MACF1: variants seen among roughly 807,000 people sequenced by gnomAD.
MACF1 encodes the protein microtubule-actin cross-linking factor 1.
In MACF1, 193 loss-of-function variants were observed where a neutral mutation model predicts 854.8. That is an observed-to-expected ratio of 0.23 (90% CI 0.20 to 0.25). The LOEUF (loss-of-function observed/expected upper bound fraction) is 0.25. Among genes scored for constraint, MACF1 ranks in the 10% least tolerant of loss-of-function variants. The pLI is 1.00. For synonymous variants in MACF1, 3,185 were observed against 3,226.7 expected (o/e 0.99, Z 0.44); for missense variants, 7,722 against 8,929.1 (o/e 0.86, Z 5.45).
At chr1:39,123,368 C>G (rs1371793151) in intron 2 of MACF1, among the ~76,000 whole-genome samples, 1 of 151,320 alleles carries the variant, frequency 6.6e-6, no homozygotes, top group East Asian at 1.9e-4. Context: ...CCATCACACC[C>G]GGCTAATTTT....
At chr1:39,205,428 T>C (rs1469003318) in intron 1 of MACF1, among the ~76,000 whole-genome samples, 1 of 152,190 alleles carries the variant, frequency 6.6e-6, no homozygotes, top group Non-Finnish European at 1.5e-5. Context: ...TGTGCTGACT[T>C]AGTCTTTCCT....
chr1:39,443,964 C>T (rs1348154267), intron 79 of MACF1, among the ~76,000 whole-genome samples: 6 of 152,174 alleles, frequency 3.9e-5, no homozygotes, highest in Non-Finnish European at 4.4e-5. Context: ...CAAAAAGCAA[C>T]ATAATTTCTA....
chr1:39,366,696 CTTT>C (rs10718160), intron 49 of MACF1, among the ~76,000 whole-genome samples: 4 of 133,738 alleles, frequency 3.0e-5, no homozygotes, highest in African/African-American at 2.8e-5. Flanking sequence ...TACAAATATA[CTTT>C]TTTTTTTTTT....
intron 2 of MACF1, among the ~76,000 whole-genome samples, chr1:39,246,771 A>G (rs1410382463): frequency 2.0e-5 from 3 of 152,040 alleles, no homozygotes; most frequent in African/African-American, 7.2e-5. Flanking sequence ...CAGGCTCCCA[A>G]AGTGCTGAGA....
intron 58 of MACF1, chr1:39,414,414 G>GCT: frequency 6.2e-7 from 1 of 1,613,964 alleles, no homozygotes; most frequent in Non-Finnish European, 8.5e-7. Flanking sequence ...TAAAAGAGGT[G>GCT]ACCAGCACAG....
chr1:39,198,685 C>T (rs1644353274), intron 2 of MACF1, among the ~76,000 whole-genome samples: 2 of 148,088 alleles, frequency 1.4e-5, no homozygotes, highest in East Asian at 2.0e-4. Context: ...ATTAGCTGGG[C>T]GTGGTGGCAC....
At chr1:39,117,188 A>AT (rs1437531341) in intron 2 of MACF1, among the ~76,000 whole-genome samples, 3 of 152,220 alleles carry the variant, frequency 2.0e-5, no homozygotes, top group African/African-American at 7.2e-5. Flanking sequence ...TCTGACCTTT[A>AT]TATCTAAAAA....
At chr1:39,112,685 A>G (rs1028047811) in intron 2 of MACF1, among the ~76,000 whole-genome samples, 14 of 152,194 alleles carry the variant, frequency 9.2e-5, no homozygotes, top group Non-Finnish European at 2.1e-4. Flanking sequence ...TATTGCAAAA[A>G]AAAGAAAAGG....
intron 51 of MACF1, among the ~76,000 whole-genome samples, 188 bp downstream of exon 51, chr1:39,370,374 C>T (rs2148536037): frequency 6.6e-6 from 1 of 152,314 alleles, no homozygotes; most frequent in Non-Finnish European, 1.5e-5. Context: ...AGCATACACT[C>T]TCTTTGTATG....
chr1:39,440,119 T>C lies in MACF1; in HGVS notation c.18447+619T>C, dbSNP rs574488844. Among the ~76,000 whole-genome samples the C allele has an allele frequency of 4.3e-4, 60 of 140,264 alleles. 1 individual carries two copies. The South Asian group carries it at 0.012, about 29-fold the overall frequency. 92.0% of individuals were successfully genotyped at this position (140,264 alleles called of 152,430 possible). On this transcript the variant is annotated intron_variant, in intron 72 of 100. Coordinates refer to ENST00000564288, the MANE Select transcript of MACF1 (RefSeq NM_001394062.1). ...TTCTTTTCTTTTCTTTTCTTTTTTT[T>C]TTTTTTTTTTGGAGACAGGGTCTCA...
Position 39,435,559 on chromosome 1 carries a change from A to G in MACF1, c.17786A>G (p.Gln5929Arg), listed in dbSNP as rs1347335757. The change falls in exon 70 of 101, where the codon CAA (glutamine) becomes CGA (arginine). Residue 5929 changes from glutamine to arginine, a missense_variant and splice_region_variant. Transcript: ENST00000564288. Reference protein sequence around the residue: ...QLRQQQEEMRQLRESIAEHKP... With the variant: ...QLRQQQEEMRRLRESIAEHKP... ...TGGTTTAATTCTTTTTTTACCTAGC[A>G]ATTAAGGGAATCTATTGCTGAACAC... 40 of 1,612,034 alleles carry G rather than the reference A, an allele frequency of 2.5e-5. No homozygotes were observed. Among genetic ancestry groups the G allele is most frequent in the Non-Finnish European group, 3.3e-5 (39 of 1,178,794 alleles).
At chr1:39,477,067 A>AG in intron 97 of MACF1, among the ~76,000 whole-genome samples, 1 of 15,464 alleles carries the variant, frequency 6.5e-5, no homozygotes, top group South Asian at 3.6e-3. Flanking sequence ...ATATATATAT[A>AG]TATATATATA....
At chr1:39,462,847 T>G (rs1204193403) in intron 93 of MACF1, among the ~76,000 whole-genome samples, 2 of 152,224 alleles carry the variant, frequency 1.3e-5, no homozygotes, top group African/African-American at 4.8e-5. Flanking sequence ...CTAGAAACCC[T>G]AACATCTGTT....
At chr1:39,375,668 G>A (rs531295772) in intron 52 of MACF1, among the ~76,000 whole-genome samples, 4 of 152,296 alleles carry the variant, frequency 2.6e-5, no homozygotes, top group African/African-American at 7.2e-5. Context: ...CACAGATTAA[G>A]TAACTGCAAA....
chr1:39,422,127 A>G (rs1348056720), intron 58 of MACF1, among the ~76,000 whole-genome samples: 1 of 152,162 alleles, frequency 6.6e-6, no homozygotes, highest in African/African-American at 2.4e-5. Flanking sequence ...AGAACAAAGG[A>G]AAGAGTCATT....
chr1:39,187,990 C>CCCCTCCCCTT (rs1557506469), intron 2 of MACF1, among the ~76,000 whole-genome samples: 2 of 142,234 alleles, frequency 1.4e-5, no homozygotes, highest in Admixed American at 1.4e-4. Flanking sequence ...CCCCTCCCCT[C>CCCCTCCCCTT]CCCTCCCCTT....
intron 2 of MACF1, among the ~76,000 whole-genome samples, chr1:39,168,500 T>C (rs1027508137): frequency 6.6e-6 from 1 of 152,146 alleles, no homozygotes; most frequent in East Asian, 1.9e-4. Context: ...TTTTTGTGTG[T>C]GTGCGTGTGT....
intron 2 of MACF1, among the ~76,000 whole-genome samples, chr1:39,235,133 A>T (rs1309638712): frequency 1.3e-5 from 2 of 152,150 alleles, no homozygotes; most frequent in Non-Finnish European, 2.9e-5. Context: ...CAATCTCGGC[A>T]CTTTGGGAGG....
At position 39,387,505 on chromosome 1, in the gene MACF1, G is replaced by T. The variant is rs1376455316; in HGVS notation, c.14663G>T (p.Ser4888Ile). The part of the protein sequence containing the change: ...VELKNHWEEL[S>I]KKTADRQSRL... ...CTCAAAAACCATTGGGAAGAGCTTA[G>T]TAAAAAAACTGCAGACAGACAATCC... Residue 4888 changes from serine to isoleucine, a missense_variant, in exon 58 of 101, where the codon AGT (serine) becomes ATT (isoleucine). Transcript: ENST00000564288. 1 of 1,614,038 alleles carries T rather than the reference G, an allele frequency of 6.2e-7. No individual in the cohort carries two copies. Among genetic ancestry groups the T allele is most frequent in the African/African-American group, 1.3e-5 (1 of 74,920 alleles).
Sources: gnomAD v4.1 joint callset for allele counts (sites outside exome capture counted in the v4.1 genomes callset) on GRCh38, gnomAD v4.1.1 for gene constraint, MANE v1.5 for transcripts, NCBI Gene and HGNC (gene_info 2026-07-23, HGNC 2026-07-21) for gene names.